Variants in ARHGAP23 observed in about 807,000 individuals in gnomAD.
The protein encoded by ARHGAP23 is rho GTPase-activating protein 23.
In ARHGAP23, 34 loss-of-function variants were observed where a neutral mutation model predicts 136.3. The ratio of observed to expected loss-of-function variants is 0.25; its 90% CI spans 0.19 to 0.33. The LOEUF is 0.33. Among genes scored for constraint, ARHGAP23 ranks in the 10% least tolerant of loss-of-function variants. The probability of loss-of-function intolerance (pLI) is 1.00; values close to 1 mark genes in which losing one functional copy is unlikely to be tolerated. For missense variants in ARHGAP23, 1,808 were observed against 2,139.0 expected (o/e 0.85, Z 3.05); for synonymous variants, 832 against 920.5 (o/e 0.90, Z 1.74).
chr17:38,488,537 TTTG>T (rs887025839), intron 17 of ARHGAP23, among the ~76,000 whole-genome samples: 12 of 152,354 alleles, frequency 7.9e-5, no homozygotes, highest in Admixed American at 1.3e-4. Context: ...AAACAAATTT[TTTG>T]TTGTTGTTGT....
chr17:38,483,039 C>T (rs527895859), intron 16 of ARHGAP23, among the ~76,000 whole-genome samples: 76 of 151,248 alleles, frequency 5.0e-4, no homozygotes, highest in African/African-American at 1.6e-3. Flanking sequence ...ATGGTGTAGA[C>T]GCGGAAAGTG....
Position 38,490,456 on chromosome 17 carries a change from G to C in ARHGAP23, c.3061-6G>C. The C allele has an allele frequency of 6.5e-7, 1 of 1,545,334 alleles. No homozygotes were observed. The highest frequency in any genetic ancestry group is 8.7e-7 in the Non-Finnish European group (1 of 1,143,012). ...TGTCCCCATGCCCCTCCTCTCTCCT[G>C]CTCAGATCCGGGATCTCCCAGGACA... is the stretch of plus-strand genomic sequence containing the variant. On this transcript the variant is annotated splice_polypyrimidine_tract_variant and splice_region_variant and intron_variant, in intron 18 of 23. Transcript: ENST00000622683.
Position 38,500,493 on chromosome 17 carries a change from C to T in ARHGAP23, c.3416-104C>T, listed in dbSNP as rs1257408891. 21 of 1,020,908 alleles carry T rather than the reference C, an allele frequency of 2.1e-5. No homozygotes were observed. The Admixed American group carries it at 2.9e-4, about 14-fold the overall frequency. The allele number at this position is 1,020,908 out of a possible 1,614,324, so 63.2% of individuals were successfully genotyped here. Reference sequence around the variant, plus strand: ...TGGGGAGATCTCATGTTTCAGAATTCCCTGGTTTCTGAAGCCTTTGAGGAG... The same window carrying T: ...TGGGGAGATCTCATGTTTCAGAATTTCCTGGTTTCTGAAGCCTTTGAGGAG... On this transcript the variant is annotated intron_variant, in intron 22 of 23. Transcript: ENST00000622683.
chr17:38,479,872 C>T lies in ARHGAP23; in HGVS notation c.2618C>T (p.Ala873Val), dbSNP rs751756795. Reference sequence around the variant, plus strand: ...GGCCTCAGGACTCAGGACCTGCCCGCAGGGAGCAAGGGTAGGAAGGTGGCC... The same window carrying T: ...GGCCTCAGGACTCAGGACCTGCCCGTAGGGAGCAAGGGTAGGAAGGTGGCC... ...ARGLRTQDLP[A>V]GSKDDSAAAP... Residue 873 changes from alanine to valine, a missense_variant, in exon 14 of 24, where the codon GCA (alanine) becomes GTA (valine). By Grantham distance (64) the Ala-to-Val change is moderately conservative. Transcript: ENST00000622683. 1.3e-6 allele frequency: 2 copies of T among 1,542,824 alleles called. No individual in the cohort carries two copies. Among genetic ancestry groups the T allele is most frequent in the Non-Finnish European group, 1.7e-6 (2 of 1,144,878 alleles).
At chr17:38,459,684 A>G (rs188016886) in intron 2 of ARHGAP23, among the ~76,000 whole-genome samples, 1 of 152,316 alleles carries the variant, frequency 6.6e-6, no homozygotes, top group East Asian at 1.9e-4. Flanking sequence ...TCCTTTCCAG[A>G]ACCTGCCCAG....
In ARHGAP23 at chr17:38,477,349, T is replaced by TG. The variant is rs1349788871; in HGVS notation, c.2119-224dup. Among the ~76,000 whole-genome samples, 2 of 128,640 alleles carry TG rather than the reference T, an allele frequency of 1.6e-5. No homozygotes were observed. The highest frequency in any genetic ancestry group is 2.5e-4 in the South Asian group (1 of 3,990). 84.4% of individuals were successfully genotyped at this position (128,640 alleles called of 152,430 possible). ...AGAGGGGGAGAGGGTTGGGGTCTGC[T>TG]GGGGGGCTTTAGGATGATGGGTAGG... On this transcript the variant is annotated intron_variant, in intron 11 of 23. Coordinates refer to ENST00000622683, the MANE Select transcript of ARHGAP23 (RefSeq NM_001199417.2). This position sits in a 1 kb window ranked among gnomAD's most constrained non-coding sequence, Gnocchi z 6.6.
chr17:38,502,914 G>A (rs1281137471), intron 23 of ARHGAP23, among the ~76,000 whole-genome samples: 1 of 152,106 alleles, frequency 6.6e-6, no homozygotes, highest in Non-Finnish European at 1.5e-5. Context: ...GCATGGTGGG[G>A]CATGCCTGTA....
intron 1 of ARHGAP23, among the ~76,000 whole-genome samples, chr17:38,431,238 G>T (rs1410669665): frequency 6.6e-6 from 1 of 152,178 alleles, no homozygotes; most frequent in African/African-American, 2.4e-5. Flanking sequence ...CTTGTCTTTT[G>T]TTCTATTTCT....
chr17:38,423,800 G>A (rs899089420), upstream of ARHGAP23, among the ~76,000 whole-genome samples: 10 of 152,156 alleles, frequency 6.6e-5, no homozygotes, highest in Admixed American at 6.6e-4. Context: ...TGCAAGAACC[G>A]CTGTCCCCTT....
chr17:38,451,532 G>A (rs1440693745), intron 1 of ARHGAP23: 1 of 152,346 alleles, frequency 6.6e-6, no homozygotes, highest in Non-Finnish European at 1.5e-5. Context: ...GAGGCTCCAT[G>A]GGGGATGAGA....
Position 38,466,338 on chromosome 17 carries a change from C to T in ARHGAP23, c.655C>T (p.Pro219Ser), listed in dbSNP as rs2039592792. The change falls in exon 7 of 24, where the codon CCC (proline) becomes TCC (serine). Residue 219 changes from proline (P) to serine (S), a missense_variant. Transcript: ENST00000622683. ...PEPTSALPSD[P>S]RSPAAWSDPG... ...GCCCACCTCAGCACTGCCCAGTGAC[C>T]CCCGGAGTCCTGCTGCCTGGAGTGA... 2 of 1,543,268 alleles carry T rather than the reference C, an allele frequency of 1.3e-6. No individual in the cohort carries two copies. Among genetic ancestry groups the T allele is most frequent in the South Asian group, 2.4e-5 (2 of 83,868 alleles).
At chr17:38,460,863 G>C (rs1234775351) in intron 2 of ARHGAP23, 42 bp from the exon 3 acceptor site, 1 of 1,536,056 alleles carries the variant, frequency 6.5e-7, no homozygotes, top group Non-Finnish European at 8.7e-7. Flanking sequence ...TGGCTGCTGA[G>C]GGCTGGACTG....
intron 3 of ARHGAP23, among the ~76,000 whole-genome samples, chr17:38,461,813 A>G (rs558408262): frequency 4.6e-5 from 7 of 152,152 alleles, no homozygotes; most frequent in Non-Finnish European, 7.4e-5. Context: ...ACTCTGCCAC[A>G]TGTCTTCAGA....
intron 19 of ARHGAP23, among the ~76,000 whole-genome samples, chr17:38,490,786 C>T (rs1273823067): frequency 2.0e-5 from 3 of 152,216 alleles, no homozygotes; most frequent in Non-Finnish European, 4.4e-5. Flanking sequence ...CCCGGCCCCC[C>T]GTATCCGATG....
At chr17:38,487,377 A>T (rs138450325) in intron 17 of ARHGAP23, among the ~76,000 whole-genome samples, 12 of 152,218 alleles carry the variant, frequency 7.9e-5, no homozygotes, top group Non-Finnish European at 1.5e-4. Flanking sequence ...CTTTCCTTGA[A>T]TAAGTCCTTG....
intron 3 of ARHGAP23, 78 bp from the exon 4 acceptor site, chr17:38,462,768 G>T (rs1225774771): frequency 2.0e-6 from 2 of 1,000,668 alleles, no homozygotes; most frequent in African/African-American, 3.3e-5. Flanking sequence ...CTCTGAGTGT[G>T]TGTCCCCTGT....
chr17:38,506,739 A>C (rs1212555255), intron 23 of ARHGAP23, among the ~76,000 whole-genome samples: 4 of 152,168 alleles, frequency 2.6e-5, no homozygotes, highest in African/African-American at 9.7e-5. Flanking sequence ...AAACCTAATT[A>C]TCTCTCAAAG....
intron 1 of ARHGAP23, among the ~76,000 whole-genome samples, chr17:38,454,444 G>C (rs2039276252): frequency 6.6e-6 from 1 of 152,160 alleles, no homozygotes; most frequent in Non-Finnish European, 1.5e-5. Flanking sequence ...CGTTTGAAGA[G>C]ACGCTGGGGC....
At chr17:38,479,984 CCTGA>C (rs971995152) in intron 14 of ARHGAP23, 101 bp downstream of exon 14, 91 of 1,470,742 alleles carry the variant, frequency 6.2e-5, no homozygotes, top group Non-Finnish European at 7.8e-5. Context: ...CTCATGTGTG[CCTGA>C]CTGTGTGCCA....
Sources: gnomAD v4.1 joint callset for allele counts (sites outside exome capture counted in the v4.1 genomes callset) on GRCh38, gnomAD v4.1.1 for gene constraint, Gnocchi (gnomAD v3.1) non-coding constraint, MANE v1.5 for transcripts, NCBI Gene and HGNC (gene_info 2026-07-23, HGNC 2026-07-21) for gene names.